Variants in SEPTIN9 observed in about 807,000 individuals in gnomAD.
The protein encoded by SEPTIN9 is septin 9, also known as septin-9.
SEPTIN9 carries 13 observed loss-of-function variants against 56.6 expected under a neutral mutation model. The observed-to-expected ratio is 0.23, with a 90% CI of 0.15 to 0.37. The LOEUF is 0.37. SEPTIN9 is among the 10% of genes least tolerant of loss of function. SEPTIN9 has a pLI of 1.00. For missense variants in SEPTIN9, 650 were observed against 823.1 expected (o/e 0.79, Z 2.57); for synonymous variants, 332 against 334.1 (o/e 0.99, Z 0.07).
intron 3 of SEPTIN9, among the ~76,000 whole-genome samples, chr17:77,419,066 T>A (rs2036603816): frequency 6.6e-6 from 1 of 152,216 alleles, no homozygotes; most frequent in African/African-American, 2.4e-5. Flanking sequence ...GCCTGCCCTG[T>A]CTCTTCTCTG....
intron 2 of SEPTIN9, among the ~76,000 whole-genome samples, chr17:77,372,486 C>T (rs1046589202): frequency 3.3e-5 from 5 of 152,214 alleles, no homozygotes; most frequent in Non-Finnish European, 7.3e-5. Context: ...GCCCTTGGGG[C>T]AGCTCCCTTT....
At position 77,482,304 on chromosome 17, in the gene SEPTIN9, G is replaced by A. The variant is rs1406429261; in HGVS notation, c.882G>A (p.Lys294=). The A allele has an allele frequency of 6.2e-7, 1 of 1,613,074 alleles. No homozygotes were observed. The highest frequency in any genetic ancestry group is 2.2e-5 in the East Asian group (1 of 44,880). Reference sequence around the variant, plus strand: ...AGCAGATGCGCCGGAAGGCCATGAAGCAGGGCTTCGAGTTCAACATCATGG... The same window carrying A: ...AGCAGATGCGCCGGAAGGCCATGAAACAGGGCTTCGAGTTCAACATCATGG... The part of the protein sequence containing the change: ...ILEQMRRKAM[K]QGFEFNIMVV... The change falls in exon 4 of 12, where the codon AAG becomes AAA. Residue 294 remains lysine (K), a synonymous_variant. Transcript: ENST00000427177.
In SEPTIN9 at chr17:77,466,054, TCACACACACACACACACA is replaced by T. The variant is rs10599395; in HGVS notation, c.722-16054_722-16037del. ...TATAAGTTACCATGTTTCTGGACTGTCACACACACACACACACACACACACACACACACACACACACAC... is the reference window on the plus strand; with the variant it reads ...TATAAGTTACCATGTTTCTGGACTGTCACACACACACACACACACACACAC... On this transcript the variant is annotated intron_variant, in intron 3 of 11. Transcript: ENST00000427177. Among the ~76,000 whole-genome samples the T allele has an allele frequency of 2.2e-3, 277 of 127,476 alleles. 1 individual carries two copies. The highest frequency in any genetic ancestry group is 3.8e-3 in the Middle Eastern group (1 of 260). 83.6% of individuals were successfully genotyped at this position (127,476 alleles called of 152,430 possible).
At chr17:77,303,046 G>T (rs554791495) in intron 1 of SEPTIN9, among the ~76,000 whole-genome samples, 2 of 152,116 alleles carry the variant, frequency 1.3e-5, no homozygotes, top group South Asian at 2.1e-4. Context: ...TGGGTCCCCG[G>T]ACTCCTGCCT....
chr17:77,394,464 A>G (rs1488538682), intron 2 of SEPTIN9, among the ~76,000 whole-genome samples: 1 of 151,906 alleles, frequency 6.6e-6, no homozygotes, highest in African/African-American at 2.4e-5. Context: ...TCAGGGACAG[A>G]ACCTGCTTTG....
At chr17:77,488,100 T>C in intron 5 of SEPTIN9, 140 bp from the exon 6 acceptor site, 1 of 750,394 alleles carries the variant, frequency 1.3e-6, no homozygotes, top group Non-Finnish European at 2.3e-6. Flanking sequence ...CGGAGTTGGC[T>C]GAGGAAGGCC....
chr17:77,443,722 T>C (rs1235250716), intron 3 of SEPTIN9, among the ~76,000 whole-genome samples: 1 of 151,586 alleles, frequency 6.6e-6, no homozygotes, highest in Non-Finnish European at 1.5e-5. Flanking sequence ...ACTTAAAACC[T>C]GGGAGGTGGA....
chr17:77,388,057 G>C (rs746779103), intron 2 of SEPTIN9, among the ~76,000 whole-genome samples: 14 of 152,088 alleles, frequency 9.2e-5, no homozygotes, highest in Non-Finnish European at 1.6e-4. Context: ...CCCCTCTACC[G>C]TGAGGCTTCT....
chr17:77,307,326 C>G, intron 2 of SEPTIN9, 129 bp downstream of exon 2: 1 of 857,682 alleles, frequency 1.2e-6, no homozygotes, highest in Non-Finnish European at 1.9e-6. Flanking sequence ...TTGCCCATTT[C>G]CCAGGGAGAC....
intron 3 of SEPTIN9, among the ~76,000 whole-genome samples, chr17:77,479,447 G>A (rs1482412980): frequency 1.3e-5 from 2 of 152,248 alleles, no homozygotes; most frequent in East Asian, 1.9e-4. Flanking sequence ...CTGCCTGCGG[G>A]CCAGCCGGGG....
chr17:77,498,234 G>A (rs1042477785), intron 11 of SEPTIN9, among the ~76,000 whole-genome samples: 6 of 151,970 alleles, frequency 3.9e-5, no homozygotes, highest in African/African-American at 1.4e-4. Flanking sequence ...CTGGGCCCTG[G>A]ACCCAGGGCC....
Position 77,451,423 on chromosome 17 carries a change from G to C in SEPTIN9, c.722-30721G>C. On this transcript the variant is annotated intron_variant, in intron 3 of 11. Transcript: ENST00000427177. The surrounding 1 kb of genome is among the most constrained non-coding windows in gnomAD (Gnocchi z 4.2). The stretch of plus-strand genomic sequence containing the variant: ...CGCTCTGGGAGGCTCCTTGTTCCGC[G>C]ACCACAAAGCCCCTTTGATCCTCTG... 1.0e-5 allele frequency: 10 copies of C among 985,618 alleles called. No homozygotes were observed. The highest frequency in any genetic ancestry group is 1.2e-5 in the Non-Finnish European group (10 of 830,070). The allele number at this position is 985,618 out of a possible 1,614,324, so 61.1% of individuals were successfully genotyped here.
rs9915953 is a variant in SEPTIN9, at chr17:77,429,507, G to T, written c.721+26804G>T. The stretch of plus-strand genomic sequence containing the variant: ...GGGCATCCAAAAAGGCCAACAGTTC[G>T]GTGGGGAGAGGAGGCGCAAGGCTGG... On this transcript the variant is annotated intron_variant, in intron 3 of 11. Coordinates refer to ENST00000427177, the MANE Select transcript of SEPTIN9 (RefSeq NM_001113491.2). This position sits in a 1 kb window ranked among gnomAD's most constrained non-coding sequence, Gnocchi z 5.2. Among the ~76,000 whole-genome samples, 2,059 of 152,286 alleles carry T rather than the reference G, an allele frequency of 0.014. 31 individuals are homozygous for T. The highest frequency in any genetic ancestry group is 0.031 in the African/African-American group (1,284 of 41,544).
intron 3 of SEPTIN9, among the ~76,000 whole-genome samples, chr17:77,461,713 G>A (rs959621601): frequency 2.0e-5 from 3 of 152,254 alleles, no homozygotes. Context: ...TAGAAGGTGT[G>A]TACGTGTGTT....
chr17:77,452,938 G>A (rs1208001800), intron 3 of SEPTIN9, among the ~76,000 whole-genome samples: 4 of 151,058 alleles, frequency 2.6e-5, no homozygotes, highest in African/African-American at 9.8e-5. Flanking sequence ...AGGCTGAGAT[G>A]TGGTCAAGGA....
In SEPTIN9 at chr17:77,498,938, C is replaced by T; in HGVS notation, c.*280C>T. On this transcript the variant is annotated 3_prime_UTR_variant, in exon 12 of 12. Transcript: ENST00000427177. ...TGACCCTCTGTCCCCAGGCCTGGCT[C>T]CCCGAGGGCTCAGAAGAGCAGCTTC... 1.8e-6 allele frequency: 1 copy of T among 561,636 alleles called. No homozygotes were observed. The highest frequency in any genetic ancestry group is 3.4e-6 in the Non-Finnish European group (1 of 294,024). The allele number at this position is 561,636 out of a possible 1,614,324, so 34.8% of individuals were successfully genotyped here. A position where few individuals can be genotyped will look rare whatever the true frequency, so the allele number is the denominator to read the frequency against.
intron 3 of SEPTIN9, among the ~76,000 whole-genome samples, chr17:77,465,454 G>T (rs563463215): frequency 2.2e-4 from 33 of 152,350 alleles, no homozygotes; most frequent in Middle Eastern, 6.8e-3. Context: ...CCAGCCAGGT[G>T]CTGCGAGTCC....
At position 77,421,913 on chromosome 17, in the gene SEPTIN9, ATGTCCCGCTCAC is replaced by A. The variant is rs1212645871; in HGVS notation, c.721+19214_721+19225del. Among the ~76,000 whole-genome samples the A allele has an allele frequency of 6.6e-6, 1 of 152,104 alleles. No homozygotes were observed. Among genetic ancestry groups the A allele is most frequent in the Non-Finnish European group, 1.5e-5 (1 of 68,008 alleles). On this transcript the variant is annotated intron_variant, in intron 3 of 11. Coordinates refer to ENST00000427177, the MANE Select transcript of SEPTIN9 (RefSeq NM_001113491.2). The surrounding 1 kb of genome is among the most constrained non-coding windows in gnomAD (Gnocchi z 4.6). The stretch of plus-strand genomic sequence containing the variant: ...GCCCAGGCTGGAGTTCAATGGCCCA[ATGTCCCGCTCAC>A]TGTGATCTCGACCTCCTAGGCTCAG...
rs1483571972 is a variant in SEPTIN9, at chr17:77,445,104, C to T, written c.722-37040C>T. The T allele has an allele frequency of 2.2e-6, 1 of 456,950 alleles. No individual in the cohort carries two copies. The allele number at this position is 456,950 out of a possible 1,614,324, so 28.3% of individuals were successfully genotyped here. A position where few individuals can be genotyped will look rare whatever the true frequency, so the allele number is the denominator to read the frequency against. ...CCCACCATGCCTGCCTGGGGACGGCCTTCACTCGGGCTACTCAGGGTTTCC... is the reference window on the plus strand; with the variant it reads ...CCCACCATGCCTGCCTGGGGACGGCTTTCACTCGGGCTACTCAGGGTTTCC... On this transcript the variant is annotated intron_variant, in intron 3 of 11. Transcript: ENST00000427177. The surrounding 1 kb of genome is among the most constrained non-coding windows in gnomAD (Gnocchi z 4.7).
Sources: allele counts gnomAD v4.1 joint callset (sites outside exome capture counted in the v4.1 genomes callset), GRCh38; gene constraint gnomAD v4.1.1; non-coding constraint Gnocchi (gnomAD v3.1); transcripts MANE v1.5; gene names NCBI Gene and HGNC (gene_info 2026-07-23, HGNC 2026-07-21).